The following CACNB2 variants were observed in gnomAD, a reference collection of about 807,000 sequenced individuals.
CACNB2 encodes the protein calcium voltage-gated channel auxiliary subunit beta 2.
CACNB2 carries 42 observed loss-of-function variants against 73.3 expected under a neutral mutation model. That is an observed-to-expected ratio of 0.57 (90% confidence interval 0.45 to 0.74). The LOEUF is 0.74. Among genes scored for constraint, CACNB2 ranks in the 30% least tolerant of loss-of-function variants. CACNB2 has a pLI of 0.00. For synonymous variants in CACNB2, 348 were observed against 310.3 expected (o/e 1.12, Z -1.28); for missense variants, 940 against 853.0 (o/e 1.10, Z -1.27).
chr10:18,436,695 C>A (rs2046154017), intron 3 of CACNB2, among the ~76,000 whole-genome samples: 2 of 152,176 alleles, frequency 1.3e-5, no homozygotes, highest in South Asian at 2.1e-4. Context: ...TTACTGGGTT[C>A]CCATTCCATG....
chr10:18,461,382 T>C (rs2047567012), intron 3 of CACNB2, among the ~76,000 whole-genome samples: 1 of 152,188 alleles, frequency 6.6e-6, no homozygotes, highest in Non-Finnish European at 1.5e-5. Flanking sequence ...TTCAAGGCTT[T>C]AACTTTCTTG....
intron 2 of CACNB2, among the ~76,000 whole-genome samples, chr10:18,156,827 G>C (rs1175342274): frequency 6.6e-6 from 1 of 151,058 alleles, no homozygotes. Context: ...TCAGGAGATC[G>C]AGACCAGCCT....
At chr10:18,531,283 C>A (rs183611813) in intron 10 of CACNB2, among the ~76,000 whole-genome samples, 1 of 152,128 alleles carries the variant, frequency 6.6e-6, no homozygotes, top group African/African-American at 2.4e-5. Flanking sequence ...AAGTTCCTAT[C>A]ACCCAGGTAT....
chr10:18,315,686 C>T (rs1326227347), intron 2 of CACNB2, among the ~76,000 whole-genome samples: 1 of 151,628 alleles, frequency 6.6e-6, no homozygotes, highest in Non-Finnish European at 1.5e-5. Flanking sequence ...AGAGTAGGAT[C>T]CTGTCCCAAA....
At chr10:18,303,271 G>A (rs2039597310) in intron 2 of CACNB2, among the ~76,000 whole-genome samples, 1 of 152,176 alleles carries the variant, frequency 6.6e-6, no homozygotes, top group Admixed American at 6.5e-5. Context: ...GGGAGGCCAA[G>A]GTGCGAGGAT....
chr10:18,540,331 ATAATATAT>A lies in CACNB2; in HGVS notation c.*608_*615del, dbSNP rs1363389361. On this transcript the variant is annotated 3_prime_UTR_variant, in exon 14 of 14. Coordinates refer to ENST00000324631, the MANE Select transcript of CACNB2 (RefSeq NM_201596.3). ...AAACAAACACCTTCTTATTATATAT[ATAATATAT>A]ATATATATCAGTTTGATCACACTAT... The A allele has an allele frequency of 2.0e-5, 3 of 149,582 alleles. No individual in the cohort carries two copies. Among genetic ancestry groups the A allele is most frequent in the East Asian group, 3.9e-4 (2 of 5,142 alleles). 9.3% of individuals were successfully genotyped at this position (149,582 alleles called of 1,614,324 possible).
chr10:18,377,028 G>A (rs2042826609), intron 2 of CACNB2, among the ~76,000 whole-genome samples: 1 of 152,166 alleles, frequency 6.6e-6, no homozygotes, highest in African/African-American at 2.4e-5. Flanking sequence ...TTAACCCAAA[G>A]GATAAATACT....
intron 2 of CACNB2, among the ~76,000 whole-genome samples, chr10:18,391,634 A>C (rs1222313207): frequency 6.6e-6 from 1 of 152,122 alleles, no homozygotes; most frequent in Non-Finnish European, 1.5e-5. Flanking sequence ...TAGAAGGTAA[A>C]AACACTAATA....
chr10:18,369,310 AT>A (rs2132278406), intron 2 of CACNB2, among the ~76,000 whole-genome samples: 1 of 152,218 alleles, frequency 6.6e-6, no homozygotes, highest in Non-Finnish European at 1.5e-5. Context: ...GCTACTAATA[AT>A]TTTTTGTGGA....
chr10:18,492,620 CAAAAAA>C (rs371407084), intron 3 of CACNB2, among the ~76,000 whole-genome samples: 3 of 90,508 alleles, frequency 3.3e-5, no homozygotes, highest in East Asian at 6.1e-4. Flanking sequence ...GACTCTGTCT[CAAAAAA>C]AAAAAAAAAA....
At chr10:18,362,763 A>G (rs1219826655) in intron 2 of CACNB2, among the ~76,000 whole-genome samples, 2 of 152,174 alleles carry the variant, frequency 1.3e-5, no homozygotes, top group Non-Finnish European at 2.9e-5. Context: ...CCAAAAATGT[A>G]CAAAAATGGT....
chr10:18,408,564 G>T (rs772354464), intron 3 of CACNB2, among the ~76,000 whole-genome samples: 1 of 152,086 alleles, frequency 6.6e-6, no homozygotes, highest in African/African-American at 2.4e-5. Context: ...TAGCTAGGGA[G>T]TATAGGTGAG....
At chr10:18,264,124 G>C (rs1221307106) in intron 2 of CACNB2, among the ~76,000 whole-genome samples, 1 of 152,176 alleles carries the variant, frequency 6.6e-6, no homozygotes, top group Non-Finnish European at 1.5e-5. Context: ...ATTGACATTT[G>C]CATGCTTTGG....
Position 18,442,952 on chromosome 10 carries a change from ATATATG to A in CACNB2, c.333+40915_333+40920del, listed in dbSNP as rs1690877495. On this transcript the variant is annotated intron_variant, in intron 3 of 13. Transcript: ENST00000324631. ...TATATATATATATATGTGTATATAT[ATATATG>A]TATATATATATGTGTATATATATAT... Among the ~76,000 whole-genome samples, 6 of 19,660 alleles carry A rather than the reference ATATATG, an allele frequency of 3.1e-4. No individual in the cohort carries two copies. The South Asian group carries it at 5.8e-3, about 19-fold the overall frequency. 12.9% of individuals were successfully genotyped at this position (19,660 alleles called of 152,430 possible). A position where few individuals can be genotyped will look rare whatever the true frequency, so the allele number is the denominator to read the frequency against.
intron 5 of CACNB2, among the ~76,000 whole-genome samples, chr10:18,504,941 G>A (rs1382257414): frequency 6.6e-6 from 1 of 152,136 alleles, no homozygotes; most frequent in Non-Finnish European, 1.5e-5. Flanking sequence ...CACCGTGCCC[G>A]GCCTCTCCTA....
At chr10:18,435,766 C>T (rs1287508889) in intron 3 of CACNB2, among the ~76,000 whole-genome samples, 1 of 152,116 alleles carries the variant, frequency 6.6e-6, no homozygotes, top group Non-Finnish European at 1.5e-5. Flanking sequence ...TCCCAAAGTG[C>T]TGGGAATACA....
At chr10:18,360,431 C>T (rs1364852624) in intron 2 of CACNB2, among the ~76,000 whole-genome samples, 1 of 152,068 alleles carries the variant, frequency 6.6e-6, no homozygotes. Flanking sequence ...CACTTTGTTG[C>T]CCGGGCTGAT....
chr10:18,380,458 T>C (rs940438896), intron 2 of CACNB2, among the ~76,000 whole-genome samples: 4 of 144,464 alleles, frequency 2.8e-5, no homozygotes, highest in Non-Finnish European at 6.1e-5. Context: ...TTTTCTTTTT[T>C]TTTTTTTTTT....
intron 3 of CACNB2, among the ~76,000 whole-genome samples, chr10:18,434,018 T>C (rs1166811098): frequency 6.6e-6 from 1 of 152,152 alleles, no homozygotes; most frequent in Non-Finnish European, 1.5e-5. Context: ...TATATAAAGC[T>C]TTACCAGTTA....
Sources: gnomAD v4.1 joint callset for allele counts (sites outside exome capture counted in the v4.1 genomes callset) on GRCh38, gnomAD v4.1.1 for gene constraint, MANE v1.5 for transcripts, NCBI Gene and HGNC (gene_info 2026-07-23, HGNC 2026-07-21) for gene names.